PCSK5: variants seen among roughly 807,000 people sequenced by gnomAD.
PCSK5 encodes prohormone convertase 5.
Under a neutral mutation model 233.2 loss-of-function variants are expected in PCSK5, and 129 were observed. That is an observed-to-expected ratio of 0.55 (90% CI 0.48 to 0.64). The LOEUF (loss-of-function observed/expected upper bound fraction) is 0.64. Ranked by LOEUF, PCSK5 falls within the 30% of genes least tolerant of loss-of-function variation. The pLI is 0.00. For synonymous variants in PCSK5, 825 were observed against 879.2 expected, an observed-to-expected ratio of 0.94 and a Z score of 1.09; for missense variants, 2,076 against 2,430.1, an observed-to-expected ratio of 0.85 and a Z score of 3.06.
chr9:76,068,289 A>G (rs972752301), intron 6 of PCSK5, among the ~76,000 whole-genome samples: 2 of 152,214 alleles, frequency 1.3e-5, no homozygotes, highest in African/African-American at 4.8e-5. Flanking sequence ...CTTGAAAAAA[A>G]TGTTATCTAG....
At chr9:76,350,136 C>A (rs552044275) in intron 35 of PCSK5, among the ~76,000 whole-genome samples, 7 of 150,464 alleles carry the variant, frequency 4.7e-5, no homozygotes, top group South Asian at 4.2e-4. Context: ...GAAAGAAAGA[C>A]AGATCAACGG....
intron 2 of PCSK5, among the ~76,000 whole-genome samples, chr9:75,937,045 A>G (rs1824086534): frequency 6.6e-6 from 1 of 152,166 alleles, no homozygotes; most frequent in Non-Finnish European, 1.5e-5. Context: ...ATAGTTTGAA[A>G]GGAACCTTTT....
intron 31 of PCSK5, among the ~76,000 whole-genome samples, chr9:76,322,554 A>G: frequency 6.6e-6 from 1 of 152,190 alleles, no homozygotes; most frequent in East Asian, 1.9e-4. Context: ...AAGTAAGAAA[A>G]TGAACACAAA....
intron 24 of PCSK5, among the ~76,000 whole-genome samples, chr9:76,268,029 G>C (rs1474568679): frequency 6.6e-6 from 1 of 152,120 alleles, no homozygotes; most frequent in African/African-American, 2.4e-5. Flanking sequence ...CGTGGGACTG[G>C]TGAGGTGGAT....
intron 21 of PCSK5, among the ~76,000 whole-genome samples, chr9:76,229,023 TAA>T (rs1334352018): frequency 1.3e-5 from 2 of 151,900 alleles, no homozygotes; most frequent in Non-Finnish European, 2.9e-5. Context: ...AAAGAATGAA[TAA>T]GAGAAGGAAA....
intron 24 of PCSK5, among the ~76,000 whole-genome samples, chr9:76,282,087 T>TGCCCA (rs1321094431): frequency 2.7e-5 from 4 of 146,220 alleles, no homozygotes; most frequent in Non-Finnish European, 4.5e-5. Flanking sequence ...CCCACTCTGT[T>TGCCCA]GCCCAGGCTG....
intron 2 of PCSK5, among the ~76,000 whole-genome samples, chr9:75,933,420 C>T (rs1823900772): frequency 6.6e-6 from 1 of 152,060 alleles, no homozygotes; most frequent in Non-Finnish European, 1.5e-5. Context: ...TTTGGGTTTG[C>T]CTTAAGAACT....
intron 6 of PCSK5, among the ~76,000 whole-genome samples, chr9:76,068,777 T>C (rs1439592433): frequency 1.3e-5 from 2 of 152,220 alleles, no homozygotes; most frequent in East Asian, 3.8e-4. Context: ...ATAGATTCTA[T>C]GGATCCTCAT....
At chr9:76,348,617 C>T (rs2490571) in intron 35 of PCSK5, among the ~76,000 whole-genome samples, 63,243 of 151,836 alleles carry the variant, frequency 0.42, 15,129 homozygotes, top group East Asian at 0.56. Flanking sequence ...AGAAATCCAT[C>T]ACTTCAAATA....
chr9:76,338,051 A>C (rs1829727875), intron 34 of PCSK5, among the ~76,000 whole-genome samples, 179 bp from the exon 35 acceptor site: 2 of 152,188 alleles, frequency 1.3e-5, no homozygotes, highest in South Asian at 4.1e-4. Context: ...CCCAATTTAC[A>C]GGTAAGAACA....
chr9:75,953,864 T>C (rs907931943), intron 2 of PCSK5, among the ~76,000 whole-genome samples: 2 of 151,634 alleles, frequency 1.3e-5, no homozygotes, highest in African/African-American at 4.8e-5. Context: ...ATTATAAGAG[T>C]TGAGTAGAGA....
At chr9:76,267,984 C>T (rs79914644) in intron 24 of PCSK5, among the ~76,000 whole-genome samples, 117 of 133,390 alleles carry the variant, frequency 8.8e-4, no homozygotes, top group African/African-American at 3.0e-3. Flanking sequence ...CACACACACA[C>T]ATTTGTGGGT....
chr9:76,250,466 C>G (rs915855062), intron 24 of PCSK5, among the ~76,000 whole-genome samples: 2 of 152,160 alleles, frequency 1.3e-5, no homozygotes, highest in African/African-American at 4.8e-5. Flanking sequence ...AGGGATAAAT[C>G]ATATGGATTG....
At position 76,323,279 on chromosome 9, in the gene PCSK5, G is replaced by A; in HGVS notation, c.4330G>A (p.Glu1444Lys). 1 of 1,593,426 alleles carries A rather than the reference G, an allele frequency of 6.3e-7. No individual in the cohort carries two copies. Among genetic ancestry groups the A allele is most frequent in the East Asian group, 2.2e-5 (1 of 44,818 alleles). The change falls in exon 32 of 38, where the codon GAG becomes AAG. Residue 1444 changes from glutamate (E) to lysine (K), a missense_variant. Physicochemically the swap from Glu to Lys is moderately conservative, Grantham distance 56. Transcript: ENST00000674117. Reference sequence around the variant, plus strand: ...AACCTATTATGAAAAGGAGACTAAGGAGTGCAGAGGTAAAGACTTCTGGGA... The same window carrying A: ...AACCTATTATGAAAAGGAGACTAAGAAGTGCAGAGGTAAAGACTTCTGGGA... ...AGTYYEKETK[E>K]CRDCHKSCLT...
intron 7 of PCSK5, among the ~76,000 whole-genome samples, chr9:76,082,069 T>C (rs1482337494): frequency 6.6e-6 from 1 of 152,124 alleles, no homozygotes; most frequent in Non-Finnish European, 1.5e-5. Flanking sequence ...TCCTTATGAC[T>C]GACAAGGAAC....
rs917105183 is a variant in PCSK5 at position 76,359,657 on chromosome 9, C to T, written c.*735C>T. On this transcript the variant is annotated 3_prime_UTR_variant, in exon 38 of 38. Coordinates refer to ENST00000674117, the MANE Select transcript of PCSK5 (RefSeq NM_001372043.1). ...AGCAAGCCCAGCGAGAAAGAAATAA[C>T]TGAATTTCCAGGAACTGCACTCTCA... is the stretch of plus-strand genomic sequence containing the variant. 3 of 152,164 alleles carry T rather than the reference C, an allele frequency of 2.0e-5. No individual in the cohort carries two copies. The highest frequency in any genetic ancestry group is 2.9e-5 in the Non-Finnish European group (2 of 68,034). 9.4% of individuals were successfully genotyped at this position (152,164 alleles called of 1,614,324 possible). A position where few individuals can be genotyped will look rare whatever the true frequency, so the allele number is the denominator to read the frequency against.
intron 21 of PCSK5, among the ~76,000 whole-genome samples, chr9:76,227,878 C>T (rs1825947453): frequency 6.6e-6 from 1 of 152,096 alleles, no homozygotes; most frequent in Non-Finnish European, 1.5e-5. Flanking sequence ...TGCCTGAAAT[C>T]TCATCCTTTT....
chr9:76,352,176 A>C (rs972337027), intron 36 of PCSK5, among the ~76,000 whole-genome samples: 3 of 152,196 alleles, frequency 2.0e-5, no homozygotes, highest in African/African-American at 7.2e-5. Context: ...TACGCTAAAC[A>C]AAGGATGGAT....
At chr9:75,906,415 TG>T (rs1415607564) in intron 1 of PCSK5, among the ~76,000 whole-genome samples, 1 of 152,002 alleles carries the variant, frequency 6.6e-6, no homozygotes, top group Non-Finnish European at 1.5e-5. Flanking sequence ...TTAGTAGAGA[TG>T]GGGTTTCTCT....
Sources: allele counts gnomAD v4.1 joint callset (sites outside exome capture counted in the v4.1 genomes callset), GRCh38; gene constraint gnomAD v4.1.1; transcripts MANE v1.5; gene names NCBI Gene and HGNC (gene_info 2026-07-23, HGNC 2026-07-21).